PPARGC1A: variants seen among roughly 807,000 people sequenced by gnomAD.
PPARGC1A encodes the protein peroxisome proliferator-activated receptor gamma coactivator 1-alpha.
PPARGC1A carries 25 observed loss-of-function variants against 88.7 expected under a neutral mutation model. The observed-to-expected ratio is 0.28, with a 90% confidence interval of 0.21 to 0.39. The LOEUF (loss-of-function observed/expected upper bound fraction) is 0.39. Among genes scored for constraint, PPARGC1A ranks in the 10% least tolerant of loss-of-function variants. The pLI, the probability that PPARGC1A is intolerant of heterozygous loss-of-function variation, is 1.00. For synonymous variants in PPARGC1A, 363 were observed against 355.6 expected (o/e 1.02, Z -0.24); for missense variants, 880 against 968.7 (o/e 0.91, Z 1.22).
chr4:24,190,870 G>A, the PPARGC1A span, among the ~76,000 whole-genome samples: 1 of 152,176 alleles, frequency 6.6e-6, no homozygotes, highest in African/African-American at 2.4e-5. Flanking sequence ...AACAGCTGCA[G>A]CCCCTCAAGA....
the PPARGC1A span, among the ~76,000 whole-genome samples, chr4:24,181,122 T>A: frequency 6.6e-6 from 1 of 152,176 alleles, no homozygotes; most frequent in African/African-American, 2.4e-5. Flanking sequence ...GTCACAACAT[T>A]GGATAAAATA....
chr4:24,288,882 T>C, the PPARGC1A span, among the ~76,000 whole-genome samples: 1 of 152,192 alleles, frequency 6.6e-6, no homozygotes, highest in African/African-American at 2.4e-5. Flanking sequence ...CAATGCTTTT[T>C]GCTGACCAAG....
the PPARGC1A span, among the ~76,000 whole-genome samples, chr4:24,205,214 C>T: frequency 6.6e-6 from 1 of 152,146 alleles, no homozygotes; most frequent in Admixed American, 6.5e-5. Context: ...AAGGTGGGCA[C>T]CCTGTATATC....
In PPARGC1A at chr4:23,801,816, T is replaced by C; in HGVS notation, c.2207A>G (p.Tyr736Cys). The C allele has an allele frequency of 6.2e-7, 1 of 1,614,002 alleles. No individual in the cohort carries two copies. The highest frequency in any genetic ancestry group is 8.5e-7 in the Non-Finnish European group (1 of 1,179,964). ...CDAFAALENGYTLRRSNETDF... is the reference protein window; with the variant it reads ...CDAFAALENGCTLRRSNETDF... ...AGTTTCGTTTGACCTGCGCAAAGTG[T>C]ATCCATTTTCAAGAGCAGCAAAAGC... The change falls in exon 12 of 13, where the codon TAC becomes TGC. Residue 736 changes from tyrosine (Y) to cysteine (C), a missense_variant. By Grantham distance (194) the Tyr-to-Cys change is radical (BLOSUM62 -2). Transcript: ENST00000264867.
the PPARGC1A span, among the ~76,000 whole-genome samples, chr4:24,387,760 GAGAGAGAGAA>G: frequency 1.4e-3 from 113 of 79,962 alleles, 2 homozygotes; most frequent in African/African-American, 5.4e-3. Flanking sequence ...GAGAGAGAGA[GAGAGAGAGAA>G]AGAAAGAAAG....
the PPARGC1A span, among the ~76,000 whole-genome samples, chr4:24,365,351 G>A: frequency 2.0e-5 from 3 of 152,054 alleles, no homozygotes; most frequent in African/African-American, 7.2e-5. Flanking sequence ...TCTGCCCGGT[G>A]ACATTTTCTT....
chr4:24,146,410 C>G, the PPARGC1A span, among the ~76,000 whole-genome samples: 2 of 152,202 alleles, frequency 1.3e-5, no homozygotes, highest in Admixed American at 6.5e-5. Context: ...AAGTGAGAAT[C>G]AAAGCTTCAA....
rs1717418194 is a variant in PPARGC1A, at chr4:23,795,476, A to C, written c.*346T>G. ...CATGTACCCACACATACTTCCCCTAAACCAAGCACACACACCACACACATA... is the reference window on the plus strand; with the variant it reads ...CATGTACCCACACATACTTCCCCTACACCAAGCACACACACCACACACATA... On this transcript the variant is annotated 3_prime_UTR_variant, in exon 13 of 13. Coordinates refer to ENST00000264867, the MANE Select transcript of PPARGC1A (RefSeq NM_013261.5). 5.4e-6 allele frequency: 1 copy of C among 185,328 alleles called. No homozygotes were observed. The highest frequency in any genetic ancestry group is 1.2e-4 in the South Asian group (1 of 8,572). 11.5% of individuals were successfully genotyped at this position (185,328 alleles called of 1,614,324 possible).
At chr4:24,089,762 G>T in the PPARGC1A span, among the ~76,000 whole-genome samples, 1 of 151,912 alleles carries the variant, frequency 6.6e-6, no homozygotes, top group African/African-American at 2.4e-5. Flanking sequence ...TGCCTGCCTC[G>T]GCCTCCCAAA....
chr4:24,433,489 A>G, the PPARGC1A span, among the ~76,000 whole-genome samples: 1 of 152,206 alleles, frequency 6.6e-6, no homozygotes, highest in Non-Finnish European at 1.5e-5. Context: ...CTTTTAACCC[A>G]TGCTAATTAT....
At chr4:24,090,048 T>C in the PPARGC1A span, among the ~76,000 whole-genome samples, 1 of 152,190 alleles carries the variant, frequency 6.6e-6, no homozygotes, top group Non-Finnish European at 1.5e-5. Flanking sequence ...TGTTTCTAGT[T>C]TAAACATTTT....
intron 1 of PPARGC1A, among the ~76,000 whole-genome samples, chr4:23,887,177 C>T (rs1467364672): frequency 6.6e-6 from 1 of 152,084 alleles, no homozygotes; most frequent in Non-Finnish European, 1.5e-5. Flanking sequence ...ATATTCCTTT[C>T]CTTCCTCTCA....
chr4:24,047,077 T>G, the PPARGC1A span, among the ~76,000 whole-genome samples: 1 of 152,210 alleles, frequency 6.6e-6, no homozygotes, highest in Non-Finnish European at 1.5e-5. Flanking sequence ...TACTTACCTC[T>G]CCTATTCCAT....
the PPARGC1A span, among the ~76,000 whole-genome samples, chr4:24,087,487 T>C: frequency 2.0e-5 from 3 of 152,202 alleles, no homozygotes; most frequent in Non-Finnish European, 4.4e-5. Flanking sequence ...TTATAAATCA[T>C]TATCCAGACA....
the PPARGC1A span, among the ~76,000 whole-genome samples, chr4:23,965,905 C>T: frequency 6.6e-6 from 1 of 152,146 alleles, no homozygotes; most frequent in Admixed American, 6.5e-5. Flanking sequence ...TGTCATGCTT[C>T]TTGTTTCTTT....
the PPARGC1A span, among the ~76,000 whole-genome samples, chr4:24,463,822 T>A: frequency 2.6e-5 from 4 of 152,326 alleles, no homozygotes; most frequent in African/African-American, 9.6e-5. Context: ...AAAAATATGA[T>A]CTGCCTATTT....
chr4:24,215,970 G>T, the PPARGC1A span, among the ~76,000 whole-genome samples: 2 of 152,168 alleles, frequency 1.3e-5, no homozygotes, highest in East Asian at 3.9e-4. Flanking sequence ...TAGGTGGATA[G>T]AATGACTCAT....
At chr4:23,991,515 G>A in the PPARGC1A span, among the ~76,000 whole-genome samples, 7 of 151,924 alleles carry the variant, frequency 4.6e-5, no homozygotes, top group African/African-American at 1.7e-4. Context: ...TCTTGAAAGA[G>A]CTTCAAAGAG....
the PPARGC1A span, among the ~76,000 whole-genome samples, chr4:24,375,180 CAGT>C: frequency 6.6e-6 from 1 of 152,010 alleles, no homozygotes; most frequent in African/African-American, 2.4e-5. Context: ...TTGAAGAAAA[CAGT>C]ATTATTAAAA....
Sources: gnomAD v4.1 joint callset for allele counts (sites outside exome capture counted in the v4.1 genomes callset) on GRCh38, gnomAD v4.1.1 for gene constraint, MANE v1.5 for transcripts, NCBI Gene and HGNC (gene_info 2026-07-23, HGNC 2026-07-21) for gene names.